The following FHL5 variants were observed in gnomAD, a reference collection of about 807,000 sequenced individuals.
The protein encoded by FHL5 is four and a half LIM domains protein 5.
In FHL5, 33 loss-of-function variants were observed where a neutral mutation model predicts 32.0. The ratio of observed to expected loss-of-function variants is 1.03; its 90% CI spans 0.78 to 1.38. The LOEUF is 1.38. Ranked by LOEUF, FHL5 falls within the 40% of genes most tolerant of loss-of-function variation. The pLI is 0.00. For synonymous variants in FHL5, 114 were observed against 113.6 expected, an observed-to-expected ratio of 1.00 and a Z score of -0.02; for missense variants, 336 against 343.9, an observed-to-expected ratio of 0.98 and a Z score of 0.18.
chr6:96,564,394 C>T (rs188138009), intron 1 of FHL5, among the ~76,000 whole-genome samples: 1 of 152,212 alleles, frequency 6.6e-6, no homozygotes, highest in Admixed American at 6.5e-5. Context: ...GGAAGGTAAA[C>T]TCTAGTGTCT....
chr6:96,569,705 T>C (rs1277301922), intron 1 of FHL5, among the ~76,000 whole-genome samples: 1 of 152,000 alleles, frequency 6.6e-6, no homozygotes, highest in Non-Finnish European at 1.5e-5. Flanking sequence ...CTGATATAAG[T>C]ATAGCTATTC....
chr6:96,614,658 T>C (rs1771480189), intron 5 of FHL5, among the ~76,000 whole-genome samples: 1 of 152,138 alleles, frequency 6.6e-6, no homozygotes, highest in Non-Finnish European at 1.5e-5. Flanking sequence ...AGCACTAAGA[T>C]TACTGGGAGA....
At chr6:96,583,567 A>G (rs1307409069) in intron 1 of FHL5, among the ~76,000 whole-genome samples, 2 of 152,158 alleles carry the variant, frequency 1.3e-5, no homozygotes, top group Non-Finnish European at 2.9e-5. Flanking sequence ...GAACTGAAGT[A>G]TCTGATCGAA....
In FHL5 at chr6:96,610,735, T is replaced by C. The variant is rs1334975895; in HGVS notation, c.668T>C (p.Val223Ala). 6.2e-7 allele frequency: 1 copy of C among 1,613,394 alleles called. No individual in the cohort carries two copies. The change falls in exon 5 of 6, where the codon GTA becomes GCA. Residue 223 changes from valine (V) to alanine (A), a missense_variant. Coordinates refer to ENST00000450218, the MANE Select transcript of FHL5 (RefSeq NM_001322466.2). ...AACCATCTTTATGCCAACAAGTGTG[T>C]AGCCTGTTCCAAACCCATTAGTGGT... ...CYNHLYANKC[V>A]ACSKPISGLT...
chr6:96,607,092 C>T (rs920196552), intron 4 of FHL5, among the ~76,000 whole-genome samples: 1 of 152,016 alleles, frequency 6.6e-6, no homozygotes, highest in African/African-American at 2.4e-5. Context: ...TCATCCAATT[C>T]TTTTTTTATC....
chr6:96,583,796 T>C (rs970908806), intron 1 of FHL5, among the ~76,000 whole-genome samples: 1 of 152,126 alleles, frequency 6.6e-6, no homozygotes, highest in African/African-American at 2.4e-5. Context: ...GGGCTTTAAC[T>C]TTTATTCCCT....
rs1158921790 is a variant in FHL5 at position 96,610,715 on chromosome 6, T to C, written c.648T>C (p.His216=). 2.5e-6 allele frequency: 4 copies of C among 1,613,868 alleles called. No individual in the cohort carries two copies. In the East Asian group the frequency reaches 8.9e-5, roughly 36 times the overall value. The change falls in exon 5 of 6, where the codon CAT becomes CAC. Residue 216 remains histidine (H), a synonymous_variant. Transcript: ENST00000450218. ...DYPFCVDCYN[H]LYANKCVACS... is the part of the protein sequence containing the mutation. ...CATTCTGCGTGGACTGCTACAACCA[T>C]CTTTATGCCAACAAGTGTGTAGCCT...
intron 1 of FHL5, among the ~76,000 whole-genome samples, chr6:96,598,456 T>A (rs1771080582): frequency 6.6e-6 from 1 of 152,214 alleles, no homozygotes. Context: ...CAATCCATAA[T>A]ATCCATTACA....
intron 1 of FHL5, among the ~76,000 whole-genome samples, chr6:96,576,461 G>A (rs1317504244): frequency 1.3e-5 from 2 of 152,176 alleles, no homozygotes; most frequent in Non-Finnish European, 2.9e-5. Flanking sequence ...GAAGAGTGAC[G>A]GAGTGAAGAG....
chr6:96,577,019 A>G (rs1047502982), intron 1 of FHL5, among the ~76,000 whole-genome samples: 19 of 152,206 alleles, frequency 1.2e-4, no homozygotes, highest in Non-Finnish European at 1.9e-4. Context: ...CTGCTGAGTG[A>G]AAGCTCCAAG....
chr6:96,597,227 C>T (rs903959522), intron 1 of FHL5, among the ~76,000 whole-genome samples: 20 of 151,488 alleles, frequency 1.3e-4, no homozygotes, highest in Admixed American at 6.6e-4. Flanking sequence ...AATATGTATA[C>T]ATGTGTTTAA....
chr6:96,576,531 A>G (rs886693728), intron 1 of FHL5, among the ~76,000 whole-genome samples: 3 of 152,234 alleles, frequency 2.0e-5, no homozygotes, highest in African/African-American at 7.2e-5. Context: ...AAAGACCTTT[A>G]CTTTACTGCC....
chr6:96,611,737 A>T, intron 5 of FHL5, among the ~76,000 whole-genome samples: 1 of 152,150 alleles, frequency 6.6e-6, no homozygotes, highest in Non-Finnish European at 1.5e-5. Flanking sequence ...TTCCAACCAA[A>T]AGAAAAAGTT....
intron 1 of FHL5, among the ~76,000 whole-genome samples, chr6:96,597,249 A>G (rs1187587127): frequency 2.6e-5 from 4 of 151,710 alleles, no homozygotes; most frequent in Non-Finnish European, 5.9e-5. Context: ...ATTATACATT[A>G]TATATAATTA....
At chr6:96,603,055 G>A (rs960473161) in intron 1 of FHL5, among the ~76,000 whole-genome samples, 1 of 152,170 alleles carries the variant, frequency 6.6e-6, no homozygotes, top group Admixed American at 6.5e-5. Context: ...AGTACACGAA[G>A]ACCTCAGGGT....
intron 1 of FHL5, among the ~76,000 whole-genome samples, chr6:96,584,216 G>A (rs181968405): frequency 6.6e-6 from 1 of 152,236 alleles, no homozygotes; most frequent in Admixed American, 6.5e-5. Context: ...CAACCACTCT[G>A]CCCTGAAATA....
At chr6:96,595,507 C>T (rs1027516034) in intron 1 of FHL5, among the ~76,000 whole-genome samples, 2 of 151,854 alleles carry the variant, frequency 1.3e-5, no homozygotes, top group Non-Finnish European at 2.9e-5. Context: ...TCAATTCTAT[C>T]TCCAACCTTT....
rs766881015 is a variant in FHL5 at position 96,610,681 on chromosome 6, ACGACTATCCATTCT to A, written c.615_628del (p.Asp205GlufsTer21). The A allele has an allele frequency of 9.9e-6, 16 of 1,613,720 alleles. No homozygotes were observed. The highest frequency in any genetic ancestry group is 1.3e-5 in the Non-Finnish European group (15 of 1,179,644). ...TGTGAAGAACAGTTCATGTCCAGAG[ACGACTATCCATTCT>A]GCGTGGACTGCTACAACCATCTTTA... On this transcript the variant is annotated frameshift_variant, in exon 5 of 6. Transcript: ENST00000450218. LOFTEE classifies it high-confidence loss of function.
intron 1 of FHL5, among the ~76,000 whole-genome samples, chr6:96,575,573 G>A (rs917680953): frequency 6.6e-6 from 1 of 152,156 alleles, no homozygotes; most frequent in African/African-American, 2.4e-5. Context: ...TTCCAATGGA[G>A]TAAGGGAAAC....
Sources: allele counts gnomAD v4.1 joint callset (sites outside exome capture counted in the v4.1 genomes callset), GRCh38; gene constraint gnomAD v4.1.1; transcripts MANE v1.5; gene names NCBI Gene and HGNC (gene_info 2026-07-23, HGNC 2026-07-21).